Variants in FAM184B observed in about 807,000 individuals in gnomAD.
FAM184B encodes protein FAM184B.
FAM184B carries 111 observed loss-of-function variants against 135.9 expected under a neutral mutation model. The observed-to-expected ratio is 0.82, with a 90% CI of 0.70 to 0.96. The LOEUF (loss-of-function observed/expected upper bound fraction) is 0.96. Among genes scored for constraint, FAM184B ranks in the 40% least tolerant of loss-of-function variants. The pLI, the probability that FAM184B is intolerant of heterozygous loss-of-function variation, is 0.00. For synonymous variants in FAM184B, 552 were observed against 524.8 expected, an observed-to-expected ratio of 1.05 and a Z score of -0.71; for missense variants, 1,375 against 1,323.9, an observed-to-expected ratio of 1.04 and a Z score of -0.60.
Position 17,632,533 on chromosome 4 carries a change from TAGAA to T in FAM184B, c.3178_3181del (p.Phe1060LysfsTer22), listed in dbSNP as rs1476397519. The stretch of plus-strand genomic sequence containing the variant: ...CTGTGATGTATCCCAAAGGTTAGCT[TAGAA>T]AGAAAAGTACTTGGTGAACCATTCC... On this transcript the variant is annotated frameshift_variant and stop_lost, in exon 18 of 18. Coordinates refer to ENST00000265018, the MANE Select transcript of FAM184B (RefSeq NM_015688.2). LOFTEE classifies it high-confidence loss of function. 1.3e-6 allele frequency: 2 copies of T among 1,549,418 alleles called. No homozygotes were observed. Among genetic ancestry groups the T allele is most frequent in the Non-Finnish European group, 8.7e-7 (1 of 1,145,140 alleles).
chr4:17,657,158 C>A (rs1359221836), intron 10 of FAM184B, among the ~76,000 whole-genome samples: 1 of 152,170 alleles, frequency 6.6e-6, no homozygotes, highest in Admixed American at 6.6e-5. Flanking sequence ...TTAGTAAATG[C>A]TGCATTTTTT....
chr4:17,648,832 G>A (rs187320277), intron 11 of FAM184B, among the ~76,000 whole-genome samples: 5 of 152,194 alleles, frequency 3.3e-5, no homozygotes, highest in African/African-American at 1.2e-4. Flanking sequence ...CCAGAAACTC[G>A]AGCTTCCAAC....
chr4:17,698,236 A>G (rs1030633934), intron 5 of FAM184B, among the ~76,000 whole-genome samples: 1 of 152,176 alleles, frequency 6.6e-6, no homozygotes, highest in Non-Finnish European at 1.5e-5. Context: ...CATAAACTCT[A>G]TTCTCACTGA....
intron 6 of FAM184B, among the ~76,000 whole-genome samples, chr4:17,691,338 T>C (rs559992796): frequency 1.5e-4 from 23 of 152,296 alleles, no homozygotes; most frequent in African/African-American, 5.5e-4. Context: ...ACTTCTTAGA[T>C]AGTATCTTGA....
intron 1 of FAM184B, among the ~76,000 whole-genome samples, chr4:17,745,279 C>T (rs113048246): frequency 2.6e-5 from 4 of 152,244 alleles, no homozygotes; most frequent in African/African-American, 4.8e-5. Flanking sequence ...GGAGGTTGGC[C>T]GCTCAGACCT....
At chr4:17,665,955 T>C (rs1435100987) in intron 7 of FAM184B, among the ~76,000 whole-genome samples, 2 of 150,914 alleles carry the variant, frequency 1.3e-5, no homozygotes, top group East Asian at 3.9e-4. Flanking sequence ...CTCCTGCTTC[T>C]CAAACTACCA....
In FAM184B at chr4:17,633,850, G is replaced by T; in HGVS notation, c.2928C>A (p.Ser976Arg). ...TTGCATAGGAGGCGAGGTTCGGCAC[G>T]CTGACCACGCGGCTGGGCACGTCCT... The part of the protein sequence containing the change: ...KVEDVPSRVV[S>R]VPNLASYAKN... Residue 976 changes from serine (S) to arginine (R), a missense_variant, in exon 17 of 18, where the codon AGC (serine) becomes AGA (arginine). Ser to Arg is a moderately radical substitution (Grantham distance 110). Transcript: ENST00000265018. The T allele has an allele frequency of 6.4e-7, 1 of 1,551,080 alleles. No homozygotes were observed. Among genetic ancestry groups the T allele is most frequent in the Non-Finnish European group, 8.7e-7 (1 of 1,146,774 alleles).
At chr4:17,721,406 A>AAAAAAAAAAAAAC (rs1560185395) in intron 1 of FAM184B, among the ~76,000 whole-genome samples, 4 of 143,300 alleles carry the variant, frequency 2.8e-5, no homozygotes, top group African/African-American at 1.0e-4. Context: ...AAAAAAAAAA[A>AAAAAAAAAAAAAC]TCTCTTTGCC....
chr4:17,667,046 C>T (rs1716072333), intron 7 of FAM184B, among the ~76,000 whole-genome samples: 1 of 151,998 alleles, frequency 6.6e-6, no homozygotes, highest in Non-Finnish European at 1.5e-5. Flanking sequence ...GGAGCCTCGA[C>T]TTCCGAGGCT....
chr4:17,673,598 A>G (rs905642394), intron 7 of FAM184B, among the ~76,000 whole-genome samples: 1 of 152,222 alleles, frequency 6.6e-6, no homozygotes, highest in Non-Finnish European at 1.5e-5. Flanking sequence ...GAAAGGATGA[A>G]TTAATGGCAT....
At chr4:17,747,848 G>A (rs1276543717) in intron 1 of FAM184B, among the ~76,000 whole-genome samples, 3 of 149,794 alleles carry the variant, frequency 2.0e-5, no homozygotes, top group Non-Finnish European at 4.4e-5. Flanking sequence ...GTGAACCCGG[G>A]AGGCGGAGCT....
At position 17,688,488 on chromosome 4, in the gene FAM184B, G is replaced by A; in HGVS notation, c.1532C>T (p.Pro511Leu). The A allele has an allele frequency of 2.6e-6, 4 of 1,550,988 alleles. No individual in the cohort carries two copies. In the South Asian group the frequency reaches 3.6e-5, roughly 14 times the overall value. Reference sequence around the variant, plus strand: ...CTGGGGACTTTCCTCAGCTCCTGTGGGGCGTGTCTTATTTTGTTGGATAAA... The same window carrying A: ...CTGGGGACTTTCCTCAGCTCCTGTGAGGCGTGTCTTATTTTGTTGGATAAA... ...EEFIQQNKTR[P>L]TGAEESPQEL... is the part of the protein sequence containing the mutation. The change falls in exon 7 of 18, where the codon CCC (proline) becomes CTC (leucine). Residue 511 changes from proline (P) to leucine (L), a missense_variant. Physicochemically the swap from Pro to Leu is moderately conservative, Grantham distance 98 (BLOSUM62 -3). Transcript: ENST00000265018.
At chr4:17,718,547 G>A (rs1717447639) in intron 1 of FAM184B, among the ~76,000 whole-genome samples, 1 of 152,200 alleles carries the variant, frequency 6.6e-6, no homozygotes, top group East Asian at 1.9e-4. Context: ...GCCATGGTCT[G>A]TGGATGGCAT....
rs1340103220 is a variant in FAM184B, at chr4:17,652,913, T to G, written c.2108A>C (p.Glu703Ala). The G allele has an allele frequency of 1.9e-6, 3 of 1,551,750 alleles. No homozygotes were observed. Among genetic ancestry groups the G allele is most frequent in the Non-Finnish European group, 2.6e-6 (3 of 1,147,000 alleles). Reference protein sequence around the residue: ...LQIQHQTHRLELQALEEKARQ... With the variant: ...LQIQHQTHRLALQALEEKARQ... ...GGCCTTTTCCTCCAAGGCCTGGAGCTCCAGTCGGTGTGTCTGGTGTTGGAT... is the reference window on the plus strand; with the variant it reads ...GGCCTTTTCCTCCAAGGCCTGGAGCGCCAGTCGGTGTGTCTGGTGTTGGAT... Residue 703 changes from glutamate to alanine, a missense_variant, in exon 11 of 18, where the codon GAG becomes GCG. Physicochemically the swap from Glu to Ala is moderately radical, Grantham distance 107. Coordinates refer to ENST00000265018, the MANE Select transcript of FAM184B (RefSeq NM_015688.2).
intron 10 of FAM184B, among the ~76,000 whole-genome samples, chr4:17,657,212 A>C (rs1439057241): frequency 6.6e-6 from 1 of 152,050 alleles, no homozygotes; most frequent in African/African-American, 2.4e-5. Flanking sequence ...TCTTCCTACA[A>C]CTTCTAAATG....
chr4:17,667,841 A>C (rs1716090226), intron 7 of FAM184B, among the ~76,000 whole-genome samples: 1 of 152,214 alleles, frequency 6.6e-6, no homozygotes, highest in Non-Finnish European at 1.5e-5. Context: ...CAGCTCTCAC[A>C]TGTCATTATT....
chr4:17,654,272 A>T (rs906427925), intron 10 of FAM184B, among the ~76,000 whole-genome samples: 1 of 151,480 alleles, frequency 6.6e-6, no homozygotes, highest in African/African-American at 2.4e-5. Flanking sequence ...AGAGATGGGC[A>T]TTGGAGAGAT....
chr4:17,638,086 A>G (rs1715198377), intron 14 of FAM184B, among the ~76,000 whole-genome samples: 1 of 140,590 alleles, frequency 7.1e-6, no homozygotes, highest in Non-Finnish European at 1.5e-5. Context: ...GCCACTCCCA[A>G]TCCTGTCTTC....
chr4:17,761,022 A>G (rs1718533911), intron 1 of FAM184B, among the ~76,000 whole-genome samples: 1 of 152,202 alleles, frequency 6.6e-6, no homozygotes, highest in African/African-American at 2.4e-5. Context: ...AATGTCGGAG[A>G]CATTTTTAGT....
Sources: allele counts gnomAD v4.1 joint callset (sites outside exome capture counted in the v4.1 genomes callset), GRCh38; gene constraint gnomAD v4.1.1; transcripts MANE v1.5; gene names NCBI Gene and HGNC (gene_info 2026-07-23, HGNC 2026-07-21).